SLC24A2: variants seen among roughly 807,000 people sequenced by gnomAD.
The protein encoded by SLC24A2 is sodium/potassium/calcium exchanger 2.
A neutral mutation model predicts 62.0 loss-of-function variants in SLC24A2; 36 were observed. The observed-to-expected ratio is 0.58, with a 90% CI of 0.44 to 0.77. SLC24A2 has a LOEUF of 0.77. Ranked by LOEUF, SLC24A2 falls within the 30% of genes least tolerant of loss-of-function variation. The pLI, the probability that SLC24A2 is intolerant of heterozygous loss-of-function variation, is 0.00. For synonymous variants in SLC24A2, 358 were observed against 294.0 expected (o/e 1.22, Z -2.23); for missense variants, 846 against 817.9 (o/e 1.03, Z -0.42).
At chr9:20,035,050 G>C in the SLC24A2 span, among the ~76,000 whole-genome samples, 1 of 151,756 alleles carries the variant, frequency 6.6e-6, no homozygotes, top group African/African-American at 2.4e-5. Context: ...CTAGAAAAAA[G>C]TACCATATTA....
chr9:19,566,326 G>T (rs1184203579), intron 7 of SLC24A2, among the ~76,000 whole-genome samples: 1 of 150,076 alleles, frequency 6.7e-6, no homozygotes, highest in Non-Finnish European at 1.5e-5. Context: ...CTTCTCAAAA[G>T]AAGACATTTA....
chr9:19,865,245 A>G, the SLC24A2 span, among the ~76,000 whole-genome samples: 3 of 152,128 alleles, frequency 2.0e-5, no homozygotes, highest in African/African-American at 7.2e-5. Context: ...TATTTTTAAA[A>G]TGTCCATACT....
chr9:20,063,065 A>T, the SLC24A2 span, among the ~76,000 whole-genome samples: 1 of 115,668 alleles, frequency 8.6e-6, no homozygotes, highest in Non-Finnish European at 1.7e-5. Flanking sequence ...TAGTTCAACC[A>T]TTGTGGAAGT....
chr9:19,542,512 T>G (rs1316863517), intron 8 of SLC24A2, among the ~76,000 whole-genome samples: 1 of 152,210 alleles, frequency 6.6e-6, no homozygotes, highest in East Asian at 1.9e-4. Context: ...ATCCTTGTCT[T>G]GTGCCAGTTT....
chr9:19,812,740 A>G, the SLC24A2 span, among the ~76,000 whole-genome samples: 3 of 151,792 alleles, frequency 2.0e-5, no homozygotes, highest in Middle Eastern at 0.01. Context: ...TTATTACTAG[A>G]TAGCCTCCAG....
At chr9:19,735,965 C>T (rs975034511) in intron 2 of SLC24A2, among the ~76,000 whole-genome samples, 1 of 151,920 alleles carries the variant, frequency 6.6e-6, no homozygotes, top group African/African-American at 2.4e-5. Context: ...ATGTAACAAA[C>T]CTGTACGTTG....
the SLC24A2 span, among the ~76,000 whole-genome samples, chr9:19,852,921 C>T: frequency 6.6e-6 from 1 of 152,052 alleles, no homozygotes. Context: ...TGGTCATTTT[C>T]ATGATCTTGA....
upstream of SLC24A2, among the ~76,000 whole-genome samples, chr9:19,793,322 G>C (rs1053673190): frequency 5.9e-5 from 9 of 152,236 alleles, no homozygotes; most frequent in African/African-American, 1.9e-4. Context: ...GCCATTTGCT[G>C]TTGCAGGGAG....
chr9:19,820,042 C>CATATATATATAT, the SLC24A2 span, among the ~76,000 whole-genome samples: 2 of 32,884 alleles, frequency 6.1e-5, no homozygotes, highest in African/African-American at 1.4e-4. Flanking sequence ...TATATATATA[C>CATATATATATAT]ATATATATAT....
intron 5 of SLC24A2, among the ~76,000 whole-genome samples, chr9:19,592,212 G>A (rs887980137): frequency 6.6e-6 from 1 of 152,166 alleles, no homozygotes; most frequent in Admixed American, 6.5e-5. Context: ...TTTCAGCTTG[G>A]TAAAGGGGCA....
At chr9:19,554,372 G>C (rs1315943417) in intron 7 of SLC24A2, among the ~76,000 whole-genome samples, 3 of 152,206 alleles carry the variant, frequency 2.0e-5, no homozygotes, top group Non-Finnish European at 4.4e-5. Context: ...GGCATTCTAA[G>C]CAATCTAGAG....
At chr9:20,295,071 C>T in the SLC24A2 span, among the ~76,000 whole-genome samples, 1 of 148,346 alleles carries the variant, frequency 6.7e-6, no homozygotes, top group South Asian at 2.1e-4. Flanking sequence ...CACATACACA[C>T]ACACACACAC....
At chr9:20,284,007 T>C in the SLC24A2 span, among the ~76,000 whole-genome samples, 1 of 152,296 alleles carries the variant, frequency 6.6e-6, no homozygotes, top group South Asian at 2.1e-4. Flanking sequence ...GGGTTCTACA[T>C]TCAATGAACA....
intron 7 of SLC24A2, among the ~76,000 whole-genome samples, chr9:19,560,212 A>C (rs907593277): frequency 7.2e-5 from 11 of 152,114 alleles, no homozygotes; most frequent in Non-Finnish European, 1.3e-4. Flanking sequence ...CATATGATAG[A>C]AACCAGAGAG....
chr9:19,636,318 T>TTTCCTTTCCTTTCC (rs1818331127), intron 2 of SLC24A2, among the ~76,000 whole-genome samples: 4 of 32,248 alleles, frequency 1.2e-4, no homozygotes, highest in African/African-American at 3.7e-4. Context: ...TCTTTTCTTT[T>TTTCCTTTCCTTTCC]CTTTCTTTCT....
chr9:20,148,654 T>C, the SLC24A2 span, among the ~76,000 whole-genome samples: 1 of 152,148 alleles, frequency 6.6e-6, no homozygotes, highest in Non-Finnish European at 1.5e-5. Context: ...TCAGTTGGAA[T>C]ATGCATGTGA....
At chr9:20,270,097 A>G in the SLC24A2 span, among the ~76,000 whole-genome samples, 1 of 152,252 alleles carries the variant, frequency 6.6e-6, no homozygotes, top group Non-Finnish European at 1.5e-5. Context: ...GCAGGAAATA[A>G]TCCATTCCTG....
chr9:19,660,089 G>A (rs796351192), intron 2 of SLC24A2, among the ~76,000 whole-genome samples: 3 of 152,296 alleles, frequency 2.0e-5, no homozygotes, highest in African/African-American at 7.2e-5. Context: ...AGGTCTGAAC[G>A]TTTTCCTCTG....
the SLC24A2 span, among the ~76,000 whole-genome samples, chr9:20,173,016 A>G: frequency 5.2e-3 from 792 of 152,196 alleles, 10 homozygotes; most frequent in African/African-American, 0.018. Context: ...AGGGTTGCAG[A>G]GATGGTTTAA....
Sources: gnomAD v4.1 joint callset for allele counts (sites outside exome capture counted in the v4.1 genomes callset) on GRCh38, gnomAD v4.1.1 for gene constraint, MANE v1.5 for transcripts, NCBI Gene and HGNC (gene_info 2026-07-23, HGNC 2026-07-21) for gene names.